The following ZSCAN25 variants were observed in gnomAD, a reference collection of about 807,000 sequenced individuals.
The protein encoded by ZSCAN25 is zinc finger and SCAN domain containing 25, also known as zinc finger and SCAN domain-containing protein 25.
A neutral mutation model predicts 38.7 loss-of-function variants in ZSCAN25; 27 were observed. The ratio of observed to expected loss-of-function variants is 0.70; its 90% confidence interval spans 0.51 to 0.96. The LOEUF (loss-of-function observed/expected upper bound fraction) is 0.96, where lower values mean the gene tolerates loss of function less well. Ranked by LOEUF, ZSCAN25 falls within the 40% of genes least tolerant of loss-of-function variation. The probability of loss-of-function intolerance (pLI) is 0.00; values close to 1 mark genes in which losing one functional copy is unlikely to be tolerated. For synonymous variants in ZSCAN25, 273 were observed against 277.7 expected, an observed-to-expected ratio of 0.98 and a Z score of 0.17; for missense variants, 637 against 705.9, an observed-to-expected ratio of 0.90 and a Z score of 1.11.
Position 99,624,139 on chromosome 7 carries a change from T to A in ZSCAN25, c.764T>A (p.Phe255Tyr), listed in dbSNP as rs750060095. Residue 255 changes from phenylalanine to tyrosine, a missense_variant, in exon 7 of 8, where the codon TTT becomes TAT. Physicochemically the swap from Phe to Tyr is conservative, Grantham distance 22. Transcript: ENST00000394152. ...RHVTPAQIDCFGEYVEPQDCR... is the reference protein window; with the variant it reads ...RHVTPAQIDCYGEYVEPQDCR... ...GTGACCCCAGCCCAGATAGACTGCT[T>A]TGGGGAGTATGTGGAACCGCAGGAC... The A allele has an allele frequency of 6.2e-7, 1 of 1,613,960 alleles. No homozygotes were observed. Among genetic ancestry groups the A allele is most frequent in the Middle Eastern group, 1.7e-4 (1 of 5,986 alleles).
chr7:99,636,490 T>C (rs1389195143), downstream of ZSCAN25, among the ~76,000 whole-genome samples: 1 of 152,208 alleles, frequency 6.6e-6, no homozygotes. Flanking sequence ...TGGTAAAAGC[T>C]CCATTATACA....
the ZSCAN25 span, chr7:99,685,289 A>G: frequency 1.9e-6 from 3 of 1,607,676 alleles, no homozygotes; most frequent in Non-Finnish European, 1.7e-6. Flanking sequence ...AAAATTAGAA[A>G]CTGTAGCATC....
the ZSCAN25 span, chr7:99,722,188 G>C: frequency 7.2e-7 from 1 of 1,387,164 alleles, no homozygotes; most frequent in Non-Finnish European, 1.0e-6. Flanking sequence ...TAGTTAGGCT[G>C]GCAAGAGCTT....
chr7:99,621,402 G>A lies in ZSCAN25; in HGVS notation c.417G>A (p.Glu139=), dbSNP rs1255299399. ...AVPCHRQGEQ[E]ETALCRGAWE... ...CATGCCACAGGCAGGGAGAGCAGGA[G>A]GAAACAGCACTTTGCAGAGGCGCTT... The change falls in exon 5 of 8, where the codon GAG becomes GAA. Residue 139 remains glutamate, a synonymous_variant. Transcript: ENST00000394152. 15 of 1,480,884 alleles carry A rather than the reference G, an allele frequency of 1.0e-5. No homozygotes were observed. Among genetic ancestry groups the A allele is most frequent in the South Asian group, 1.4e-5 (1 of 71,538 alleles). The allele number at this position is 1,480,884 out of a possible 1,614,324, so 91.7% of individuals were successfully genotyped here.
chr7:99,657,236 C>G, the ZSCAN25 span, among the ~76,000 whole-genome samples: 4 of 152,278 alleles, frequency 2.6e-5, no homozygotes, highest in South Asian at 2.1e-4. Flanking sequence ...ATAAATTTCC[C>G]TCTACACATT....
chr7:99,666,725 G>A, the ZSCAN25 span: 2 of 1,613,866 alleles, frequency 1.2e-6, no homozygotes, highest in Non-Finnish European at 1.7e-6. Context: ...GTAGTTAAAT[G>A]TGCAGACTCA....
At chr7:99,711,728 A>G in the ZSCAN25 span, among the ~76,000 whole-genome samples, 4 of 152,162 alleles carry the variant, frequency 2.6e-5, no homozygotes, top group African/African-American at 9.7e-5. Context: ...AGATCATGCC[A>G]TTGCACTCCA....
chr7:99,685,316 G>A, the ZSCAN25 span: 1 of 1,554,504 alleles, frequency 6.4e-7, no homozygotes. Context: ...AACAAAAAAT[G>A]TATTGCTGAC....
At chr7:99,648,110 C>A in the ZSCAN25 span, 1 of 1,223,434 alleles carries the variant, frequency 8.2e-7, no homozygotes, top group Non-Finnish European at 1.0e-6. Flanking sequence ...CTGGTCACCT[C>A]CTTTATACTA....
chr7:99,651,646 T>C, the ZSCAN25 span, among the ~76,000 whole-genome samples: 2 of 152,212 alleles, frequency 1.3e-5, no homozygotes, highest in African/African-American at 4.8e-5. Flanking sequence ...TAGGGGCTAA[T>C]GAAAGTCTAG....
At chr7:99,650,272 A>T in the ZSCAN25 span, 1 of 1,592,368 alleles carries the variant, frequency 6.3e-7, no homozygotes, top group Middle Eastern at 1.7e-4. Context: ...AATGAAACAT[A>T]AAAACCACAG....
chr7:99,730,258 C>A, the ZSCAN25 span, among the ~76,000 whole-genome samples: 3 of 152,086 alleles, frequency 2.0e-5, no homozygotes, highest in Non-Finnish European at 2.9e-5. Flanking sequence ...CAAATCATCC[C>A]CTTTCTAGTG....
At chr7:99,710,253 A>G in the ZSCAN25 span, among the ~76,000 whole-genome samples, 1 of 152,208 alleles carries the variant, frequency 6.6e-6, no homozygotes, top group Non-Finnish European at 1.5e-5. Flanking sequence ...TTAGCTCAGA[A>G]GTCAGATACC....
At chr7:99,730,988 A>G in the ZSCAN25 span, 2 of 1,584,174 alleles carry the variant, frequency 1.3e-6, no homozygotes, top group Middle Eastern at 1.7e-4. Flanking sequence ...GAGGAGAAGC[A>G]TTTTTACTGA....
chr7:99,701,075 A>G, the ZSCAN25 span, among the ~76,000 whole-genome samples: 2 of 152,222 alleles, frequency 1.3e-5, no homozygotes, highest in South Asian at 2.1e-4. Context: ...TCATTCCTGT[A>G]TTAAAGCATT....
At chr7:99,736,777 G>A in the ZSCAN25 span, among the ~76,000 whole-genome samples, 6 of 152,036 alleles carry the variant, frequency 3.9e-5, no homozygotes, top group Non-Finnish European at 8.8e-5. Flanking sequence ...AGGGCTGCTC[G>A]GCACCTGGCC....
At chr7:99,660,262 A>G in the ZSCAN25 span, 1 of 252,630 alleles carries the variant, frequency 4.0e-6, no homozygotes, top group Non-Finnish European at 5.3e-6. Context: ...CATTATTGTG[A>G]TAACAGTAAA....
At chr7:99,692,227 A>G in the ZSCAN25 span, among the ~76,000 whole-genome samples, 16 of 152,036 alleles carry the variant, frequency 1.1e-4, no homozygotes, top group South Asian at 1.5e-3. Context: ...TTGACCCCCA[A>G]TCTCTTCTGT....
the ZSCAN25 span, among the ~76,000 whole-genome samples, chr7:99,701,094 A>G: frequency 2.0e-5 from 3 of 152,340 alleles, no homozygotes; most frequent in East Asian, 1.9e-4. Flanking sequence ...TTCATCATGT[A>G]TTCTAATGGC....
Sources: gnomAD v4.1 joint callset for allele counts (sites outside exome capture counted in the v4.1 genomes callset) on GRCh38, gnomAD v4.1.1 for gene constraint, MANE v1.5 for transcripts, NCBI Gene and HGNC (gene_info 2026-07-23, HGNC 2026-07-21) for gene names.